Variants in MAP6 observed in about 807,000 individuals in gnomAD.
The protein encoded by MAP6 is microtubule associated protein 6, also known as microtubule-associated protein 6.
MAP6 carries 26 observed loss-of-function variants against 42.4 expected under a neutral mutation model. That is an observed-to-expected ratio of 0.61 (90% confidence interval 0.45 to 0.85). MAP6 has a LOEUF of 0.85. MAP6 is among the 40% of genes least tolerant of loss of function. The pLI, the probability that MAP6 is intolerant of heterozygous loss-of-function variation, is 0.00. For missense variants in MAP6, 966 were observed against 1,099.0 expected (o/e 0.88, Z 1.71); for synonymous variants, 418 against 443.8 (o/e 0.94, Z 0.73).
At position 75,649,983 on chromosome 11, in the gene MAP6, C is replaced by T. The variant is rs115769205; in HGVS notation, c.905+17482G>A. Among the ~76,000 whole-genome samples, 857 of 152,340 alleles carry T rather than the reference C, an allele frequency of 5.6e-3. 12 individuals are homozygous for T. The highest frequency in any genetic ancestry group is 0.02 in the African/African-American group (817 of 41,584). ...ATTTATTGGAGCAGGCACCATCAGA[C>T]ACTTAAGCGGGAATGAGAGCAGTAT... On this transcript the variant is annotated intron_variant, in intron 1 of 3. Coordinates refer to ENST00000304771, the MANE Select transcript of MAP6 (RefSeq NM_033063.2).
chr11:75,659,417 G>A (rs776151107), intron 1 of MAP6, among the ~76,000 whole-genome samples: 2 of 152,188 alleles, frequency 1.3e-5, no homozygotes, highest in Non-Finnish European at 2.9e-5. Flanking sequence ...GGGAGGCAGA[G>A]GTTGCAGTGA....
intron 1 of MAP6, among the ~76,000 whole-genome samples, chr11:75,615,177 T>C (rs559805365): frequency 6.6e-6 from 1 of 152,242 alleles, no homozygotes; most frequent in South Asian, 2.1e-4. Flanking sequence ...GGCCAGATGA[T>C]GATGATGAGT....
chr11:75,644,971 C>T (rs1339628099), intron 1 of MAP6, among the ~76,000 whole-genome samples: 2 of 152,112 alleles, frequency 1.3e-5, no homozygotes, highest in South Asian at 4.1e-4. Context: ...AGCTGAAATA[C>T]CTCTGGAACT....
chr11:75,664,526 G>A (rs1294025710), intron 1 of MAP6, among the ~76,000 whole-genome samples: 1 of 152,220 alleles, frequency 6.6e-6, no homozygotes, highest in Non-Finnish European at 1.5e-5. Context: ...AAGTCCATGA[G>A]ACGAACCAGT....
intron 3 of MAP6, among the ~76,000 whole-genome samples, chr11:75,593,615 A>G (rs1942520349): frequency 6.6e-6 from 1 of 152,194 alleles, no homozygotes; most frequent in Non-Finnish European, 1.5e-5. Flanking sequence ...AGCAGCCAAC[A>G]GCTGTGGCAA....
In MAP6 at chr11:75,587,859, C is replaced by G; in HGVS notation, c.1642G>C (p.Val548Leu). ...KNQSPMVPAK[V>L]KDQGSVVPES... ...GGTACCACAGAGCCTTGATCCTTAA[C>G]TTTTGCTGGAACCATAGGACTTTGA... The change falls in exon 4 of 4, where the codon GTT becomes CTT. Residue 548 changes from valine (V) to leucine (L), a missense_variant. Around this residue, in one of 2 missense-constraint regions of MAP6, gnomAD observed 943 missense variants for 1,049.9 expected, o/e 0.90. Coordinates refer to ENST00000304771, the MANE Select transcript of MAP6 (RefSeq NM_033063.2). The G allele has an allele frequency of 6.2e-7, 1 of 1,614,186 alleles. No homozygotes were observed. The highest frequency in any genetic ancestry group is 8.5e-7 in the Non-Finnish European group (1 of 1,180,026).
intron 1 of MAP6, among the ~76,000 whole-genome samples, chr11:75,611,594 A>C (rs1942898520): frequency 1.3e-5 from 2 of 152,250 alleles, no homozygotes; most frequent in Admixed American, 1.3e-4. Flanking sequence ...AACTTCGTCA[A>C]GGTGTGAAAA....
intron 3 of MAP6, chr11:75,603,002 T>C (rs1942691887): frequency 1.0e-6 from 1 of 985,618 alleles, no homozygotes; most frequent in African/African-American, 1.7e-5. Flanking sequence ...AGGAATGAAA[T>C]AGCACCAAGA....
chr11:75,665,321 T>C (rs746996667), intron 1 of MAP6, among the ~76,000 whole-genome samples: 17 of 152,222 alleles, frequency 1.1e-4, no homozygotes, highest in Non-Finnish European at 1.5e-4. Flanking sequence ...GAGTGCGTTA[T>C]ATTCAAAGGA....
intron 3 of MAP6, chr11:75,604,672 C>T: frequency 1.0e-6 from 1 of 985,336 alleles, no homozygotes; most frequent in Non-Finnish European, 1.2e-6. Flanking sequence ...CACTTGCCAC[C>T]CTTGGGGGCT....
At chr11:75,619,138 TGTGA>T (rs532559093) in intron 1 of MAP6, among the ~76,000 whole-genome samples, 305 of 152,266 alleles carry the variant, frequency 2.0e-3, no homozygotes, top group Non-Finnish European at 3.0e-3. Flanking sequence ...TGTGTGAGTG[TGTGA>T]GTGAGGCATG....
chr11:75,636,386 T>C (rs539162907), intron 1 of MAP6, among the ~76,000 whole-genome samples: 35 of 152,332 alleles, frequency 2.3e-4, no homozygotes, highest in African/African-American at 8.2e-4. Context: ...AGTGCTTCTC[T>C]TTTGTTACAG....
intron 1 of MAP6, 46 bp from the exon 2 acceptor site, chr11:75,608,368 G>C: frequency 6.7e-7 from 1 of 1,487,756 alleles, no homozygotes; most frequent in Non-Finnish European, 9.4e-7. Context: ...TCATCTGCCT[G>C]GAAGCAGAGC....
intron 1 of MAP6, among the ~76,000 whole-genome samples, chr11:75,658,396 A>AG (rs1555044381): frequency 7.3e-5 from 5 of 68,232 alleles, no homozygotes; most frequent in Admixed American, 3.5e-4. Flanking sequence ...CCATTTCTCC[A>AG]CCCCCCCCGC....
intron 1 of MAP6, among the ~76,000 whole-genome samples, chr11:75,664,256 C>T (rs10160335): frequency 0.077 from 11,690 of 152,162 alleles, 672 homozygotes; most frequent in African/African-American, 0.15. Flanking sequence ...CAAAGCTATC[C>T]TGGATACTAC....
intron 1 of MAP6, among the ~76,000 whole-genome samples, chr11:75,644,018 C>T (rs755063254): frequency 1.3e-5 from 2 of 152,188 alleles, no homozygotes; most frequent in Non-Finnish European, 2.9e-5. Flanking sequence ...CTTAGAGGTG[C>T]ATGGTTACAA....
intron 3 of MAP6, among the ~76,000 whole-genome samples, chr11:75,592,788 G>A (rs1202292361): frequency 1.3e-5 from 2 of 152,124 alleles, no homozygotes; most frequent in African/African-American, 2.4e-5. Flanking sequence ...AAGAAAATGT[G>A]TTACACAGCC....
chr11:75,609,999 G>A lies in MAP6; in HGVS notation c.906-1677C>T, dbSNP rs528309958. On this transcript the variant is annotated intron_variant, in intron 1 of 3. Transcript: ENST00000304771. Reference sequence around the variant, plus strand: ...GTATTAATAGGCAATTGATTGATGAGTTGCCATGGGAGTGGGACTGGTGGC... The same window carrying A: ...GTATTAATAGGCAATTGATTGATGAATTGCCATGGGAGTGGGACTGGTGGC... Among the ~76,000 whole-genome samples the A allele has an allele frequency of 2.6e-5, 4 of 152,294 alleles. No homozygotes were observed. The South Asian group carries it at 8.3e-4, about 32-fold the overall frequency.
chr11:75,637,178 CT>C (rs1160397382), intron 1 of MAP6, among the ~76,000 whole-genome samples: 5 of 152,194 alleles, frequency 3.3e-5, no homozygotes, highest in Non-Finnish European at 7.3e-5. Context: ...TTTTGCTCAT[CT>C]TTGGGGTTAG....
Sources: gnomAD v4.1 joint callset for allele counts (sites outside exome capture counted in the v4.1 genomes callset) on GRCh38, gnomAD v4.1.1 for gene constraint, gnomAD v4.1.1 regional missense constraint, MANE v1.5 for transcripts, NCBI Gene and HGNC (gene_info 2026-07-23, HGNC 2026-07-21) for gene names.